CLDN16: variants seen among roughly 807,000 people sequenced by gnomAD.
The protein encoded by CLDN16 is claudin-16.
In CLDN16, 13 loss-of-function variants were observed where a neutral mutation model predicts 24.6. The observed-to-expected ratio is 0.53, with a 90% CI of 0.34 to 0.84. The LOEUF is 0.84. Among genes scored for constraint, CLDN16 ranks in the 40% least tolerant of loss-of-function variants. CLDN16 has a pLI of 0.01. For synonymous variants in CLDN16, 116 were observed against 106.7 expected (o/e 1.09, Z -0.54); for missense variants, 298 against 292.7 (o/e 1.02, Z -0.13).
At chr3:190,406,739 C>CTTT (rs35773061) in intron 3 of CLDN16, among the ~76,000 whole-genome samples, 16 of 107,428 alleles carry the variant, frequency 1.5e-4, no homozygotes, top group African/African-American at 3.0e-4. Flanking sequence ...TATTATCTGG[C>CTTT]TTTTTTTTTT....
At chr3:190,352,154 T>TA (rs146174032) in intron 1 of CLDN16, among the ~76,000 whole-genome samples, 220 of 151,084 alleles carry the variant, frequency 1.5e-3, no homozygotes, top group African/African-American at 4.4e-3. Flanking sequence ...TTTTTTTTTT[T>TA]AAAAAAAGAC....
Position 190,404,856 on chromosome 3 carries a change from A to C in CLDN16, c.312A>C (p.Lys104Asn). 1 of 1,614,034 alleles carries C rather than the reference A, an allele frequency of 6.2e-7. No individual in the cohort carries two copies. The highest frequency in any genetic ancestry group is 8.5e-7 in the Non-Finnish European group (1 of 1,180,010). Residue 104 changes from lysine to asparagine, a missense_variant, in exon 3 of 5, where the codon AAA becomes AAC. Coordinates refer to ENST00000264734, the MANE Select transcript of CLDN16 (RefSeq NM_006580.4). ...TGCTCCTTGGTCTTGACTGCGTGAA[A>C]TTCCTCCCTGATGAGCCGTACATTA... is the stretch of plus-strand genomic sequence containing the variant. ...LTLLLGLDCVKFLPDEPYIKV... is the reference protein window; with the variant it reads ...LTLLLGLDCVNFLPDEPYIKV...
the CLDN16 span, among the ~76,000 whole-genome samples, chr3:190,290,889 C>T: frequency 1.3e-5 from 2 of 152,084 alleles, no homozygotes; most frequent in African/African-American, 4.8e-5. Flanking sequence ...AAAAATTCTA[C>T]ATATCTGTGG....
chr3:190,297,626 TATATA>T, the CLDN16 span, among the ~76,000 whole-genome samples: 1 of 110,154 alleles, frequency 9.1e-6, no homozygotes, highest in Non-Finnish European at 2.0e-5. Flanking sequence ...TATAATATAA[TATATA>T]ATATATAATA....
chr3:190,312,883 A>G, the CLDN16 span: 1 of 1,614,122 alleles, frequency 6.2e-7, no homozygotes, highest in Non-Finnish European at 8.5e-7. Context: ...TGCAAGAAGA[A>G]ATATCGCACC....
upstream of CLDN16, chr3:190,387,855 T>A (rs1718543492): frequency 1.9e-6 from 1 of 516,094 alleles, no homozygotes. Context: ...AAAATAACAC[T>A]CAGTCAACCG....
At chr3:190,363,301 A>G (rs1045516308) in intron 1 of CLDN16, among the ~76,000 whole-genome samples, 7 of 151,538 alleles carry the variant, frequency 4.6e-5, no homozygotes, top group African/African-American at 1.5e-4. Flanking sequence ...TTGTTTTTCT[A>G]CAACTCCCAT....
chr3:190,323,125 A>T (rs16865346), intron 1 of CLDN16, among the ~76,000 whole-genome samples: 11,234 of 151,968 alleles, frequency 0.074, 560 homozygotes, highest in East Asian at 0.14. Flanking sequence ...CCTTTGATCT[A>T]TGATTGTCCT....
Position 190,408,500 on chromosome 3 carries a change from T to A in CLDN16, c.569T>A (p.Phe190Tyr), listed in dbSNP as rs781678462. The change falls in exon 4 of 5, where the codon TTT (phenylalanine) becomes TAT (tyrosine). Residue 190 changes from phenylalanine (F) to tyrosine (Y), a missense_variant. Transcript: ENST00000264734. ...GTTCTCACCTGCTGCTTATATCTTT[T>A]TAAAGGTAAGAATAAAATAAAATAG... ...GAVLTCCLYL[F>Y]KDVGPERNYP... 1.9e-6 allele frequency: 3 copies of A among 1,613,868 alleles called. No individual in the cohort carries two copies. In the Admixed American group the frequency reaches 5.0e-5, roughly 27 times the overall value.
At chr3:190,378,096 A>T (rs760958261) in intron 3 of CLDN16, among the ~76,000 whole-genome samples, 1 of 151,984 alleles carries the variant, frequency 6.6e-6, no homozygotes, top group Non-Finnish European at 1.5e-5. Context: ...ATAAGTTACC[A>T]CCCCAATCAT....
chr3:190,393,808 TG>T (rs1718742745), intron 1 of CLDN16, among the ~76,000 whole-genome samples: 1 of 147,068 alleles, frequency 6.8e-6, no homozygotes, highest in Admixed American at 7.1e-5. Flanking sequence ...TGGAGTGCAG[TG>T]GCATGATCTT....
At chr3:190,363,232 A>C (rs2108642625) in intron 1 of CLDN16, among the ~76,000 whole-genome samples, 1 of 151,740 alleles carries the variant, frequency 6.6e-6, no homozygotes, top group African/African-American at 2.4e-5. Context: ...TATTGACACC[A>C]TTCAATGAAT....
intron 1 of CLDN16, among the ~76,000 whole-genome samples, chr3:190,354,473 T>C (rs1174117923): frequency 6.6e-6 from 1 of 152,046 alleles, no homozygotes; most frequent in East Asian, 1.9e-4. Flanking sequence ...CACTCTTTTC[T>C]TTATGACACT....
chr3:190,380,240 C>CCCTCCCTTCCTTCCTTCCTT (rs1417978876), intron 3 of CLDN16, among the ~76,000 whole-genome samples: 4,467 of 47,880 alleles, frequency 0.093, 1,340 homozygotes, highest in African/African-American at 0.27. Context: ...TTCCTTCCCT[C>CCCTCCCTTCCTTCCTTCCTT]CCTTCCTTCC....
At chr3:190,397,055 G>A (rs1002846497) in intron 1 of CLDN16, among the ~76,000 whole-genome samples, 11 of 152,086 alleles carry the variant, frequency 7.2e-5, no homozygotes, top group African/African-American at 2.7e-4. Flanking sequence ...TTGTGAGACT[G>A]GTGAGTTCAG....
chr3:190,359,078 AAC>A (rs1717835762), intron 1 of CLDN16, among the ~76,000 whole-genome samples: 2 of 152,156 alleles, frequency 1.3e-5, no homozygotes, highest in East Asian at 1.9e-4. Context: ...CTTTTCTTAT[AAC>A]ACAGTATGAT....
chr3:190,405,428 GAAA>G (rs542527344), intron 3 of CLDN16, among the ~76,000 whole-genome samples: 2 of 81,152 alleles, frequency 2.5e-5, no homozygotes, highest in African/African-American at 4.9e-5. Flanking sequence ...CCGTCTCACG[GAAA>G]AAAAAAAAAA....
At chr3:190,312,946 A>G in the CLDN16 span, 1 of 1,614,176 alleles carries the variant, frequency 6.2e-7, no homozygotes, top group Admixed American at 1.7e-5. Flanking sequence ...CAAGCACTTC[A>G]TACACTTCAT....
upstream of CLDN16, among the ~76,000 whole-genome samples, chr3:190,387,363 T>G (rs1718528893): frequency 7.1e-5 from 2 of 28,038 alleles, no homozygotes; most frequent in South Asian, 7.5e-4. Context: ...AATATAACAG[T>G]TTTTTTTTCT....
Sources: gnomAD v4.1 joint callset for allele counts (sites outside exome capture counted in the v4.1 genomes callset) on GRCh38, gnomAD v4.1.1 for gene constraint, MANE v1.5 for transcripts, NCBI Gene and HGNC (gene_info 2026-07-23, HGNC 2026-07-21) for gene names.